Variants in CDH18 observed in about 807,000 individuals in gnomAD.
CDH18 encodes cadherin-18.
A neutral mutation model predicts 67.9 loss-of-function variants in CDH18; 31 were observed. The observed-to-expected ratio is 0.46, with a 90% CI of 0.34 to 0.62. The LOEUF (loss-of-function observed/expected upper bound fraction) is 0.62, where lower values mean the gene tolerates loss of function less well. CDH18 is among the 20% of genes least tolerant of loss of function. The pLI is 0.01. For missense variants in CDH18, 890 were observed against 975.5 expected (o/e 0.91, Z 1.17); for synonymous variants, 362 against 347.2 (o/e 1.04, Z -0.48).
chr5:20,417,898 C>T (rs1747454012), intron 1 of CDH18, among the ~76,000 whole-genome samples: 1 of 152,012 alleles, frequency 6.6e-6, no homozygotes. Context: ...TCTGTAGTTC[C>T]GAGGACATAC....
At chr5:20,360,761 G>A (rs773551836) in intron 1 of CDH18, among the ~76,000 whole-genome samples, 12 of 152,088 alleles carry the variant, frequency 7.9e-5, no homozygotes, top group Non-Finnish European at 1.6e-4. Flanking sequence ...TACAGCATTA[G>A]TATTGTTATT....
intron 6 of CDH18, among the ~76,000 whole-genome samples, chr5:19,610,700 T>G: frequency 6.6e-6 from 1 of 152,274 alleles, no homozygotes; most frequent in Non-Finnish European, 1.5e-5. Flanking sequence ...TGAGTCTGAA[T>G]TATCGCTTAT....
At chr5:19,818,824 T>C (rs1023705698) in intron 3 of CDH18, among the ~76,000 whole-genome samples, 2 of 152,228 alleles carry the variant, frequency 1.3e-5, no homozygotes, top group Non-Finnish European at 2.9e-5. Flanking sequence ...TTGACTGAAA[T>C]GTCATTATGT....
chr5:20,525,801 TACACACACACACACAC>T (rs61256041), intron 1 of CDH18, among the ~76,000 whole-genome samples: 1 of 148,940 alleles, frequency 6.7e-6, no homozygotes, highest in South Asian at 2.1e-4. Context: ...GCTTCCACTA[TACACACACACACACAC>T]ACACACACAC....
At chr5:20,508,326 TATATATATA>T (rs1754780823) in intron 1 of CDH18, among the ~76,000 whole-genome samples, 1 of 13,002 alleles carries the variant, frequency 7.7e-5, no homozygotes, top group African/African-American at 8.9e-4. Context: ...ACTATGATTA[TATATATATA>T]TATATATATA....
At chr5:20,247,609 GA>G (rs1743483810) in intron 2 of CDH18, among the ~76,000 whole-genome samples, 1 of 151,732 alleles carries the variant, frequency 6.6e-6, no homozygotes, top group African/African-American at 2.4e-5. Flanking sequence ...ATTAAAAACA[GA>G]AAAATTAGCT....
intron 3 of CDH18, among the ~76,000 whole-genome samples, chr5:19,771,019 C>A (rs1773667946): frequency 6.6e-6 from 1 of 152,234 alleles, no homozygotes; most frequent in African/African-American, 2.4e-5. Flanking sequence ...TGAAATAGAT[C>A]ATGAGATTCT....
intron 1 of CDH18, among the ~76,000 whole-genome samples, chr5:20,359,335 G>T (rs1416000743): frequency 6.6e-6 from 1 of 152,096 alleles, no homozygotes; most frequent in Non-Finnish European, 1.5e-5. Flanking sequence ...AAGAGTTGTT[G>T]CTAATAATGA....
At chr5:20,410,600 G>A (rs1336922786) in intron 1 of CDH18, among the ~76,000 whole-genome samples, 1 of 151,372 alleles carries the variant, frequency 6.6e-6, no homozygotes, top group African/African-American at 2.4e-5. Context: ...AACATGAGAA[G>A]GATGTCCATT....
intron 1 of CDH18, among the ~76,000 whole-genome samples, chr5:20,570,520 A>G (rs1486127911): frequency 6.6e-6 from 1 of 152,214 alleles, no homozygotes; most frequent in Non-Finnish European, 1.5e-5. Context: ...TGACATTAGT[A>G]TATCTGGTAG....
intron 1 of CDH18, among the ~76,000 whole-genome samples, chr5:20,455,452 G>C (rs1750771354): frequency 6.6e-6 from 1 of 151,950 alleles, no homozygotes. Flanking sequence ...TTATTAGGCA[G>C]GACAACATGA....
At chr5:20,473,151 A>T (rs1394115348) in intron 1 of CDH18, among the ~76,000 whole-genome samples, 2 of 152,188 alleles carry the variant, frequency 1.3e-5, no homozygotes, top group Admixed American at 1.3e-4. Flanking sequence ...AGCACTATCT[A>T]GTGTCAAAAG....
intron 2 of CDH18, among the ~76,000 whole-genome samples, chr5:20,130,957 A>G (rs1292301512): frequency 6.6e-6 from 1 of 151,270 alleles, no homozygotes; most frequent in Non-Finnish European, 1.5e-5. Flanking sequence ...TATCTAATTT[A>G]TTGTCAAACA....
chr5:20,554,578 G>T (rs1757801637), intron 1 of CDH18, among the ~76,000 whole-genome samples: 1 of 152,068 alleles, frequency 6.6e-6, no homozygotes, highest in African/African-American at 2.4e-5. Context: ...ATTACACATT[G>T]GATCACTTTT....
At chr5:19,664,901 T>C (rs1757701745) in intron 5 of CDH18, among the ~76,000 whole-genome samples, 1 of 151,932 alleles carries the variant, frequency 6.6e-6, no homozygotes, top group Admixed American at 6.6e-5. Flanking sequence ...GTATATCCAC[T>C]TGTAGAATAA....
rs116321259 is a variant in CDH18, at chr5:20,570,059, T to C, written c.-580+5403A>G. Among the ~76,000 whole-genome samples the C allele has an allele frequency of 2.0e-3, 299 of 152,268 alleles. 2 individuals are homozygous for C. The highest frequency in any genetic ancestry group is 6.8e-3 in the Middle Eastern group (2 of 294). On this transcript the variant is annotated intron_variant, in intron 1 of 14. Coordinates refer to the CDH18 transcript ENST00000507958. ...CATGACTAGGTGGTGCACAGGAGAA[T>C]TGAATGGCAATGAAAATGTTCTGTC...
intron 6 of CDH18, among the ~76,000 whole-genome samples, chr5:19,606,130 G>C (rs1366062936): frequency 6.6e-6 from 1 of 151,266 alleles, no homozygotes; most frequent in Admixed American, 6.6e-5. Context: ...GCTACTTCCC[G>C]GAAGTAAGGA....
chr5:19,602,889 C>T (rs935875411), intron 6 of CDH18, among the ~76,000 whole-genome samples: 4 of 152,158 alleles, frequency 2.6e-5, no homozygotes, highest in Admixed American at 2.6e-4. Context: ...CCCTTGAATC[C>T]AGGAGGCGGA....
At chr5:20,289,138 T>A (rs949188918) in intron 1 of CDH18, among the ~76,000 whole-genome samples, 2 of 151,978 alleles carry the variant, frequency 1.3e-5, no homozygotes, top group Non-Finnish European at 2.9e-5. Flanking sequence ...TTGGCTAGTC[T>A]TTATTCCACA....
Sources: allele counts gnomAD v4.1 joint callset (sites outside exome capture counted in the v4.1 genomes callset), GRCh38; gene constraint gnomAD v4.1.1; transcripts MANE v1.5; gene names NCBI Gene and HGNC (gene_info 2026-07-23, HGNC 2026-07-21).